The following ARHGAP15 variants were observed in gnomAD, a reference collection of about 807,000 sequenced individuals.
ARHGAP15 encodes the protein Rho GTPase activating protein 15.
Under a neutral mutation model 63.7 loss-of-function variants are expected in ARHGAP15, and 51 were observed. That is an observed-to-expected ratio of 0.80 (90% CI 0.64 to 1.01). ARHGAP15 has a LOEUF of 1.01. ARHGAP15 is among the 50% of genes least tolerant of loss of function. ARHGAP15 has a pLI of 0.00. For synonymous variants in ARHGAP15, 191 were observed against 193.8 expected (o/e 0.99, Z 0.12); for missense variants, 560 against 564.6 (o/e 0.99, Z 0.08).
intron 1 of ARHGAP15, among the ~76,000 whole-genome samples, chr2:143,136,549 C>A (rs2068395): frequency 0.41 from 62,160 of 151,814 alleles, 15,014 homozygotes; most frequent in East Asian, 0.71. Context: ...TGTTTACAAC[C>A]TTTTAGTCAG....
chr2:143,413,956 T>TGC (rs1168877732), intron 6 of ARHGAP15, among the ~76,000 whole-genome samples: 4 of 93,530 alleles, frequency 4.3e-5, no homozygotes, highest in African/African-American at 1.8e-4. Flanking sequence ...TGTGTGTGTG[T>TGC]GTGTGTGTGT....
chr2:143,338,869 T>C (rs1684928463), intron 6 of ARHGAP15, among the ~76,000 whole-genome samples: 3 of 152,110 alleles, frequency 2.0e-5, no homozygotes, highest in Admixed American at 1.3e-4. Flanking sequence ...TAAATTTCAA[T>C]TTGTTTATAA....
intron 6 of ARHGAP15, among the ~76,000 whole-genome samples, chr2:143,339,135 TTTAA>T (rs150706193): frequency 6.6e-6 from 1 of 152,242 alleles, no homozygotes; most frequent in African/African-American, 2.4e-5. Context: ...ACTTCTAATA[TTTAA>T]TTAAAGAGCA....
chr2:143,514,012 A>T (rs1034696781), intron 9 of ARHGAP15, among the ~76,000 whole-genome samples: 1 of 152,224 alleles, frequency 6.6e-6, no homozygotes, highest in Non-Finnish European at 1.5e-5. Flanking sequence ...TGAGAATTAA[A>T]TGTTAGAATA....
chr2:143,738,716 A>T (rs1279545031), intron 13 of ARHGAP15, among the ~76,000 whole-genome samples: 1 of 152,220 alleles, frequency 6.6e-6, no homozygotes, highest in African/African-American at 2.4e-5. Context: ...TTAATCCATG[A>T]ATTGACTGAG....
At chr2:143,187,678 G>A (rs941604556) in intron 2 of ARHGAP15, among the ~76,000 whole-genome samples, 4 of 152,110 alleles carry the variant, frequency 2.6e-5, no homozygotes, top group African/African-American at 9.7e-5. Context: ...TGCTACCATT[G>A]TAATTTTGCG....
At chr2:143,163,467 A>G (rs1173239804) in intron 2 of ARHGAP15, among the ~76,000 whole-genome samples, 1 of 151,718 alleles carries the variant, frequency 6.6e-6, no homozygotes, top group Non-Finnish European at 1.5e-5. Flanking sequence ...GTATTTGTAT[A>G]TAATTTATAT....
intron 13 of ARHGAP15, among the ~76,000 whole-genome samples, chr2:143,723,879 G>A (rs999105750): frequency 2.0e-5 from 3 of 152,098 alleles, no homozygotes; most frequent in Non-Finnish European, 4.4e-5. Flanking sequence ...AGTATTTGTG[G>A]GTGGACAGTG....
intron 9 of ARHGAP15, among the ~76,000 whole-genome samples, chr2:143,489,371 A>T (rs528389962): frequency 6.6e-6 from 1 of 152,220 alleles, no homozygotes. Context: ...GTCAGTATTC[A>T]TTAGTAGGGC....
At chr2:143,140,676 T>C (rs556792347) in intron 1 of ARHGAP15, among the ~76,000 whole-genome samples, 3 of 152,134 alleles carry the variant, frequency 2.0e-5, no homozygotes, top group Admixed American at 6.6e-5. Context: ...CTTTTGTCTT[T>C]TTTTTTCTTC....
At chr2:143,488,305 C>A (rs1005246458) in intron 9 of ARHGAP15, among the ~76,000 whole-genome samples, 1 of 152,112 alleles carries the variant, frequency 6.6e-6, no homozygotes, top group Non-Finnish European at 1.5e-5. Flanking sequence ...ATGCCCACTG[C>A]TTATTAATAT....
chr2:143,589,649 G>A (rs1267460061), intron 11 of ARHGAP15, among the ~76,000 whole-genome samples: 1 of 152,032 alleles, frequency 6.6e-6, no homozygotes, highest in Non-Finnish European at 1.5e-5. Flanking sequence ...GTCTAGGGTA[G>A]GCTTCTTGAG....
At position 143,524,114 on chromosome 2, in the gene ARHGAP15, C is replaced by A. The variant is rs1694166726; in HGVS notation, c.925+4750C>A. Among the ~76,000 whole-genome samples the A allele has an allele frequency of 2.6e-5, 4 of 152,218 alleles. No homozygotes were observed. In the South Asian group the frequency reaches 6.2e-4, roughly 24 times the overall value. The stretch of plus-strand genomic sequence containing the variant: ...CTAAAAGCCACCCTGGGATCCATAA[C>A]CTTGCTTAAAGATTTAAGAAAGACC... On this transcript the variant is annotated intron_variant, in intron 10 of 13. Transcript: ENST00000295095.
rs954332804 is a variant in ARHGAP15, at chr2:143,629,385, T to A, written c.1138+5118T>A. ...ACCTGCAGGTTATTTCATGGGGATT[T>A]AACCCACTGACTGCAAAGATTTAAT... On this transcript the variant is annotated intron_variant, in intron 12 of 13. Transcript: ENST00000295095. Among the ~76,000 whole-genome samples, 37 of 152,164 alleles carry A rather than the reference T, an allele frequency of 2.4e-4. 1 individual carries two copies. Among genetic ancestry groups the A allele is most frequent in the Non-Finnish European group, 4.4e-5 (3 of 68,014 alleles).
chr2:143,325,654 G>A (rs866966884), intron 6 of ARHGAP15, among the ~76,000 whole-genome samples: 2 of 152,078 alleles, frequency 1.3e-5, no homozygotes, highest in African/African-American at 4.8e-5. Flanking sequence ...TACAAACCAA[G>A]TTAATTACTT....
chr2:143,733,055 TAAAG>T (rs1209866629), intron 13 of ARHGAP15, among the ~76,000 whole-genome samples: 1 of 152,028 alleles, frequency 6.6e-6, no homozygotes, highest in African/African-American at 2.4e-5. Flanking sequence ...TCCACTTTCA[TAAAG>T]AAAGTCTTTG....
chr2:143,344,778 C>G (rs1263636819), intron 6 of ARHGAP15, among the ~76,000 whole-genome samples: 1 of 151,994 alleles, frequency 6.6e-6, no homozygotes, highest in Non-Finnish European at 1.5e-5. Context: ...CAGCAAGATC[C>G]CTTCTGTGAC....
At chr2:143,736,090 C>G (rs1041103590) in intron 13 of ARHGAP15, among the ~76,000 whole-genome samples, 3 of 152,044 alleles carry the variant, frequency 2.0e-5, no homozygotes, top group Non-Finnish European at 2.9e-5. Context: ...GGTCCTTAAC[C>G]TATATGTGTC....
chr2:143,182,442 G>A (rs1370199956), intron 2 of ARHGAP15, among the ~76,000 whole-genome samples: 1 of 152,142 alleles, frequency 6.6e-6, no homozygotes, highest in African/African-American at 2.4e-5. Context: ...AATGAAGTAT[G>A]TCTGTACTTA....
Sources: allele counts gnomAD v4.1 joint callset (sites outside exome capture counted in the v4.1 genomes callset), GRCh38; gene constraint gnomAD v4.1.1; transcripts MANE v1.5; gene names NCBI Gene and HGNC (gene_info 2026-07-23, HGNC 2026-07-21).